Variants in RNF220 observed in about 807,000 individuals in gnomAD.
RNF220 encodes the protein ring finger protein 220, also known as E3 ubiquitin-protein ligase RNF220.
A neutral mutation model predicts 67.1 loss-of-function variants in RNF220; 7 were observed. The ratio of observed to expected loss-of-function variants is 0.10; its 90% CI spans 0.06 to 0.20. RNF220 has a LOEUF of 0.20. RNF220 is among the 10% of genes least tolerant of loss of function. The probability of loss-of-function intolerance (pLI) is 1.00; values close to 1 mark genes in which losing one functional copy is unlikely to be tolerated. For missense variants in RNF220, 565 were observed against 740.3 expected (o/e 0.76, Z 2.75); for synonymous variants, 270 against 283.2 (o/e 0.95, Z 0.47).
chr1:44,406,030 G>T lies in RNF220; in HGVS notation c.-118+500G>T, dbSNP rs546816520. On this transcript the variant is annotated intron_variant, in intron 1 of 14. Transcript: ENST00000361799. ...TGTACCCCGCGTTGATTTCCGGCGA[G>T]GCCAGGGCTGGGTGGTACTCAGTGG... is the stretch of plus-strand genomic sequence containing the variant. Among the ~76,000 whole-genome samples the T allele has an allele frequency of 1.4e-4, 22 of 152,290 alleles. No individual in the cohort carries two copies. The East Asian group carries it at 2.5e-3, about 17-fold the overall frequency.
At chr1:44,485,756 G>A (rs375480538) in intron 2 of RNF220, among the ~76,000 whole-genome samples, 3 of 152,162 alleles carry the variant, frequency 2.0e-5, no homozygotes, top group African/African-American at 7.2e-5. Flanking sequence ...TAATGTGAGC[G>A]ACAGGTTTAG....
chr1:44,550,129 G>A (rs1662508701), intron 2 of RNF220, among the ~76,000 whole-genome samples: 1 of 152,240 alleles, frequency 6.6e-6, no homozygotes, highest in East Asian at 1.9e-4. Flanking sequence ...AGAGCAAATA[G>A]GCCAAAAAGA....
At position 44,604,007 on chromosome 1, in the gene RNF220, AG is replaced by A. The variant is rs759131602; in HGVS notation, c.626-10153del. On this transcript the variant is annotated intron_variant, in intron 2 of 14. Coordinates refer to ENST00000361799, the MANE Select transcript of RNF220 (RefSeq NM_018150.4). ...TTATAAGCCCATCGTCAGAACCAGC[AG>A]GGGGTAAAGCACACTTGAAGTTACT... Among the ~76,000 whole-genome samples, 5 of 152,372 alleles carry A rather than the reference AG, an allele frequency of 3.3e-5. No homozygotes were observed. The East Asian group carries it at 7.7e-4, about 23-fold the overall frequency.
At chr1:44,625,544 CA>C (rs1290536574) in intron 4 of RNF220, among the ~76,000 whole-genome samples, 2 of 152,104 alleles carry the variant, frequency 1.3e-5, no homozygotes, top group African/African-American at 4.8e-5. Flanking sequence ...GCTTCCGGCT[CA>C]GAGCTGTACA....
chr1:44,582,465 A>C (rs566948278), intron 2 of RNF220, among the ~76,000 whole-genome samples: 5 of 152,250 alleles, frequency 3.3e-5, no homozygotes, highest in African/African-American at 1.2e-4. Context: ...ATTCAAGAAG[A>C]AGCGAGTGGT....
chr1:44,529,936 C>T (rs1159354623), intron 2 of RNF220, among the ~76,000 whole-genome samples: 1 of 151,912 alleles, frequency 6.6e-6, no homozygotes, highest in Non-Finnish European at 1.5e-5. Flanking sequence ...CGCCTCTACT[C>T]CCAGCTATTT....
chr1:44,573,735 A>G (rs1664609488), intron 2 of RNF220, among the ~76,000 whole-genome samples: 1 of 152,236 alleles, frequency 6.6e-6, no homozygotes. Flanking sequence ...AACTGAGCTT[A>G]CTAGGCCCTA....
At chr1:44,535,968 G>A (rs765993723) in intron 2 of RNF220, among the ~76,000 whole-genome samples, 25 of 152,232 alleles carry the variant, frequency 1.6e-4, no homozygotes, top group Non-Finnish European at 3.4e-4. Context: ...CGGTGAGAAA[G>A]GATGAAGTGT....
chr1:44,632,111 C>G (rs947238333), intron 5 of RNF220: 1 of 1,474,280 alleles, frequency 6.8e-7, no homozygotes. Context: ...GGGGCGGCAC[C>G]GCGCAGCGGC....
At chr1:44,493,070 T>G (rs1018670672) in intron 2 of RNF220, among the ~76,000 whole-genome samples, 2 of 152,188 alleles carry the variant, frequency 1.3e-5, no homozygotes, top group African/African-American at 4.8e-5. Flanking sequence ...CCAAAATTTT[T>G]GAGCACCAAC....
intron 2 of RNF220, among the ~76,000 whole-genome samples, chr1:44,518,756 T>C (rs1659663006): frequency 6.6e-6 from 1 of 151,844 alleles, no homozygotes; most frequent in African/African-American, 2.4e-5. Context: ...GTGCCTGTAG[T>C]CCCAGCTACT....
rs542594125 is a variant in RNF220, at chr1:44,413,065, G to T, written c.625+343G>T. Among the ~76,000 whole-genome samples the T allele has an allele frequency of 1.1e-3, 169 of 152,176 alleles. 1 individual carries two copies. The highest frequency in any genetic ancestry group is 1.9e-4 in the Non-Finnish European group (13 of 68,000). ...AGAAGTGTCGGCTCCTAGGGAATTT[G>T]GGGGGCCTAAAGAAACATGTCCACC... On this transcript the variant is annotated intron_variant, in intron 2 of 14. Coordinates refer to ENST00000361799, the MANE Select transcript of RNF220 (RefSeq NM_018150.4).
chr1:44,523,760 CCA>C (rs1660128162), intron 2 of RNF220, among the ~76,000 whole-genome samples: 1 of 152,148 alleles, frequency 6.6e-6, no homozygotes, highest in East Asian at 1.9e-4. Flanking sequence ...CTGCTATCCC[CCA>C]GGGCCCAAGA....
intron 2 of RNF220, among the ~76,000 whole-genome samples, chr1:44,425,398 G>A (rs776627725): frequency 5.5e-5 from 7 of 127,322 alleles, no homozygotes; most frequent in Non-Finnish European, 1.2e-4. Flanking sequence ...GTAAATACTT[G>A]TTGTTAAAGT....
chr1:44,561,394 C>T (rs1002437505), intron 2 of RNF220, among the ~76,000 whole-genome samples: 6 of 151,852 alleles, frequency 4.0e-5, no homozygotes, highest in African/African-American at 1.5e-4. Context: ...CCTGTAATCC[C>T]AGCTACTCGG....
At chr1:44,419,972 T>G (rs1649026221) in intron 2 of RNF220, 1 of 152,174 alleles carries the variant, frequency 6.6e-6, no homozygotes, top group Non-Finnish European at 1.5e-5. Flanking sequence ...TATCGTGGAG[T>G]CCACACATAC....
chr1:44,548,284 C>T (rs1389864378), intron 2 of RNF220, among the ~76,000 whole-genome samples: 1 of 152,154 alleles, frequency 6.6e-6, no homozygotes, highest in Non-Finnish European at 1.5e-5. Flanking sequence ...CCATCCTCCC[C>T]ACTGCTGCTC....
intron 2 of RNF220, among the ~76,000 whole-genome samples, chr1:44,554,749 T>C (rs957704496): frequency 6.6e-6 from 1 of 152,094 alleles, no homozygotes; most frequent in East Asian, 1.9e-4. Flanking sequence ...AGCTGGAATT[T>C]CATAGCAAGC....
At chr1:44,508,595 A>G (rs904290971) in intron 2 of RNF220, among the ~76,000 whole-genome samples, 4 of 152,186 alleles carry the variant, frequency 2.6e-5, no homozygotes, top group Admixed American at 6.5e-5. Flanking sequence ...GGCACCACAG[A>G]ACGTAACACA....
Sources: allele counts gnomAD v4.1 joint callset (sites outside exome capture counted in the v4.1 genomes callset), GRCh38; gene constraint gnomAD v4.1.1; transcripts MANE v1.5; gene names NCBI Gene and HGNC (gene_info 2026-07-23, HGNC 2026-07-21).